Variants in RTL9 observed in about 807,000 individuals in gnomAD.
RTL9 encodes retrotransposon Gag like 9, also known as retrotransposon Gag-like protein 9.
In RTL9, 19 loss-of-function variants were observed where a neutral mutation model predicts 44.7. That is an observed-to-expected ratio of 0.42 (90% CI 0.30 to 0.62). RTL9 has a LOEUF of 0.62. Among genes scored for constraint, RTL9 ranks in the 20% least tolerant of loss-of-function variants. The pLI is 0.16. For synonymous variants in RTL9, 407 were observed against 398.9 expected (o/e 1.02, Z -0.24); for missense variants, 1,105 against 1,080.6 (o/e 1.02, Z -0.32).
chrX:110,365,742 C>A (rs2068292862), intron 1 of RTL9, among the ~76,000 whole-genome samples: 1 of 111,827 alleles, frequency 8.9e-6, no homozygotes, highest in Admixed American at 9.5e-5. Flanking sequence ...AAACTGGTTG[C>A]TCATGATCTT....
chrX:110,377,303 C>T (rs770203451), intron 1 of RTL9, among the ~76,000 whole-genome samples: 4 of 111,401 alleles, frequency 3.6e-5, no homozygotes, highest in East Asian at 2.8e-4. Flanking sequence ...TCTATTTGTC[C>T]GCAAACCCCA....
At chrX:110,400,363 T>C (rs994517484) in intron 1 of RTL9, among the ~76,000 whole-genome samples, 1 of 108,894 alleles carries the variant, frequency 9.2e-6, no homozygotes, top group African/African-American at 3.4e-5. Context: ...ATCCCTTCCT[T>C]AGAGGCCCCA....
Position 110,451,164 on chromosome X carries a change from A to G in RTL9, c.547A>G (p.Ser183Gly), listed in dbSNP as rs1194762374. The change falls in exon 1 of 2, where the codon AGC (serine) becomes GGC (glycine). Residue 183 changes from serine to glycine, a missense_variant. Ser to Gly is a moderately conservative substitution (Grantham distance 56). Coordinates refer to ENST00000540313, the Ensembl canonical transcript of RTL9. ...TGGAGTGGTGTGTACACCTATAATG[A>G]GCACTTCATCCTCTGAGGCAATGTC... The G allele has an allele frequency of 3.3e-6, 4 of 1,211,863 alleles. No homozygotes were observed. The South Asian group carries it at 7.0e-5, about 21-fold the overall frequency.
chrX:110,450,253 A>G (rs2068930897), upstream of RTL9, among the ~76,000 whole-genome samples: 1 of 111,414 alleles, frequency 9.0e-6, no homozygotes. Flanking sequence ...CATTTCTCAC[A>G]TTTGGCCAGA....
At chrX:110,396,649 CT>C in intron 1 of RTL9, among the ~76,000 whole-genome samples, 1 of 112,049 alleles carries the variant, frequency 8.9e-6, no homozygotes, top group East Asian at 2.8e-4. Flanking sequence ...CCAGATTCCC[CT>C]CTCCCTGTTT....
intron 1 of RTL9, among the ~76,000 whole-genome samples, chrX:110,419,528 C>G (rs746178577): frequency 3.7e-4 from 42 of 112,689 alleles, no homozygotes; most frequent in Non-Finnish European, 6.8e-4. Flanking sequence ...GTATGTCTCT[C>G]CCACTGGAAT....
At chrX:110,405,470 T>A (rs1169267818) in intron 1 of RTL9, among the ~76,000 whole-genome samples, 2 of 111,742 alleles carry the variant, frequency 1.8e-5, no homozygotes, top group Admixed American at 1.9e-4. Context: ...TGGCTGTTTC[T>A]CCAAGAATGT....
chrX:110,399,051 A>G (rs1312503218), intron 1 of RTL9, among the ~76,000 whole-genome samples: 1 of 112,206 alleles, frequency 8.9e-6, no homozygotes, highest in Non-Finnish European at 1.9e-5. Flanking sequence ...TCTCTGCCTC[A>G]TTAGTGGTAC....
upstream of RTL9, among the ~76,000 whole-genome samples, chrX:110,447,886 T>C (rs191401657): frequency 3.6e-4 from 40 of 111,703 alleles, no homozygotes; most frequent in East Asian, 0.011. Flanking sequence ...ACTGAGGGTT[T>C]CTCCCCTTAG....
chrX:110,422,955 A>C (rs1303857529), intron 1 of RTL9, among the ~76,000 whole-genome samples: 1 of 112,207 alleles, frequency 8.9e-6, no homozygotes, highest in Non-Finnish European at 1.9e-5. Flanking sequence ...AAGAACAGAA[A>C]GAGGAGAAAA....
chrX:110,428,772 T>G (rs1402057510), intron 1 of RTL9, among the ~76,000 whole-genome samples: 2 of 111,764 alleles, frequency 1.8e-5, no homozygotes, highest in Non-Finnish European at 3.8e-5. Context: ...CCCATTCCCC[T>G]ATGGAATACC....
intron 1 of RTL9, among the ~76,000 whole-genome samples, chrX:110,410,432 G>T (rs1030761496): frequency 8.9e-6 from 1 of 112,125 alleles, no homozygotes; most frequent in Non-Finnish European, 1.9e-5. Context: ...TATCTTTGAC[G>T]ATGTCTATCC....
At chrX:110,412,619 G>C (rs1050350117) in intron 1 of RTL9, among the ~76,000 whole-genome samples, 1 of 112,236 alleles carries the variant, frequency 8.9e-6, no homozygotes, top group Non-Finnish European at 1.9e-5. Flanking sequence ...ATTCAGATAG[G>C]ACCTGGCACA....
At chrX:110,384,846 G>A (rs901561202) in intron 1 of RTL9, among the ~76,000 whole-genome samples, 1 of 110,801 alleles carries the variant, frequency 9.0e-6, no homozygotes, top group African/African-American at 3.3e-5. Context: ...ATAAAGAGGT[G>A]CAAAACTCCT....
rs759435725 is a variant in RTL9 at position 110,429,180 on chromosome X, G to A, written c.-168+10045G>A. Among the ~76,000 whole-genome samples the A allele has an allele frequency of 4.5e-5, 5 of 111,801 alleles. No homozygotes were observed. The South Asian group carries it at 1.9e-3, about 42-fold the overall frequency. On this transcript the variant is annotated intron_variant, in intron 1 of 3. Coordinates refer to the RTL9 transcript ENST00000465301. ...GATATTAATAATTATTTTTATATGT[G>A]TGTAGTCTTGCCTGTCTACTGAATT...
exon 1 of RTL9, chrX:110,453,499 C>A (rs1212943737): frequency 8.3e-7 from 1 of 1,210,666 alleles, no homozygotes; most frequent in Admixed American, 2.2e-5. Flanking sequence ...GCCTCTGGAA[C>A]AATGCCCATG....
upstream of RTL9, among the ~76,000 whole-genome samples, chrX:110,416,344 C>G (rs1243590355): frequency 2.7e-5 from 3 of 112,087 alleles, no homozygotes; most frequent in Admixed American, 9.4e-5. Context: ...TTTAACGAAC[C>G]GTTGTTTAAT....
At chrX:110,399,295 C>G (rs2068548937) in intron 1 of RTL9, among the ~76,000 whole-genome samples, 1 of 112,215 alleles carries the variant, frequency 8.9e-6, no homozygotes, top group African/African-American at 3.2e-5. Context: ...AGCCTAGGCT[C>G]AGTGAATTTT....
chrX:110,453,483 G>A (rs771276386), exon 1 of RTL9: 7 of 1,211,927 alleles, frequency 5.8e-6, no homozygotes, highest in African/African-American at 3.5e-5. Context: ...ATTAATGAGA[G>A]CCCCGGCCTC....
Sources: allele counts gnomAD v4.1 joint callset (sites outside exome capture counted in the v4.1 genomes callset), GRCh38; gene constraint gnomAD v4.1.1; transcripts MANE v1.5; gene names NCBI Gene and HGNC (gene_info 2026-07-23, HGNC 2026-07-21).